WDFY3: variants seen among roughly 807,000 people sequenced by gnomAD.
WDFY3 encodes the protein WD repeat and FYVE domain-containing protein 3.
A neutral mutation model predicts 409.6 loss-of-function variants in WDFY3; 66 were observed. That is an observed-to-expected ratio of 0.16 (90% CI 0.13 to 0.20). WDFY3 has a LOEUF of 0.20. Ranked by LOEUF, WDFY3 falls within the 10% of genes least tolerant of loss-of-function variation. The pLI is 1.00. For synonymous variants in WDFY3, 1,521 were observed against 1,537.1 expected (o/e 0.99, Z 0.25); for missense variants, 3,031 against 4,298.1 (o/e 0.71, Z 8.24).
chr4:84,823,897 T>C (rs1754458056), intron 10 of WDFY3, among the ~76,000 whole-genome samples: 1 of 152,202 alleles, frequency 6.6e-6, no homozygotes, highest in Admixed American at 6.5e-5. Flanking sequence ...ATTTACCATA[T>C]GATCTAGCAC....
At chr4:84,897,322 AC>A (rs1765770105) in intron 2 of WDFY3, among the ~76,000 whole-genome samples, 1 of 152,120 alleles carries the variant, frequency 6.6e-6, no homozygotes, top group African/African-American at 2.4e-5. Context: ...TCACCTATAA[AC>A]TTTTCAGCTT....
intron 5 of WDFY3, among the ~76,000 whole-genome samples, chr4:84,842,946 G>A (rs1757583166): frequency 1.3e-5 from 2 of 152,172 alleles, no homozygotes; most frequent in African/African-American, 2.4e-5. Context: ...ACATGATTCT[G>A]GGCTGGGCAA....
Position 84,696,197 on chromosome 4 carries a change from A to G in WDFY3, c.8689-15T>C. The G allele has an allele frequency of 6.2e-7, 1 of 1,613,126 alleles. No homozygotes were observed. The highest frequency in any genetic ancestry group is 1.1e-5 in the South Asian group (1 of 90,988). On this transcript the variant is annotated splice_polypyrimidine_tract_variant and intron_variant, in intron 57 of 67. Coordinates refer to ENST00000295888, the MANE Select transcript of WDFY3 (RefSeq NM_014991.6). Reference sequence around the variant, plus strand: ...CACTCCAAAGCCTGTAATTTCAAACATAGGTTTAGTCACTGGCTGACTTCT... The same window carrying G: ...CACTCCAAAGCCTGTAATTTCAAACGTAGGTTTAGTCACTGGCTGACTTCT...
intron 13 of WDFY3, among the ~76,000 whole-genome samples, chr4:84,812,339 G>T (rs1024163070): frequency 6.6e-6 from 1 of 152,000 alleles, no homozygotes; most frequent in African/African-American, 2.4e-5. Flanking sequence ...ACACAGACAT[G>T]TATGCGCATG....
At chr4:84,725,196 A>G (rs1735471956) in intron 45 of WDFY3, among the ~76,000 whole-genome samples, 1 of 152,212 alleles carries the variant, frequency 6.6e-6, no homozygotes, top group Non-Finnish European at 1.5e-5. Flanking sequence ...ATGCCAGGTG[A>G]CACTCTGGTT....
At chr4:84,851,938 T>A (rs965909229) in intron 4 of WDFY3, among the ~76,000 whole-genome samples, 7 of 152,098 alleles carry the variant, frequency 4.6e-5, no homozygotes, top group African/African-American at 1.7e-4. Context: ...AGTAAAAAAA[T>A]TGTAATAATA....
rs765265230 is a variant in WDFY3 at position 84,820,152 on chromosome 4, T to C, written c.1626A>G (p.Gln542=). 26 of 1,609,254 alleles carry C rather than the reference T, an allele frequency of 1.6e-5. No homozygotes were observed. The Admixed American group carries it at 3.5e-4, about 22-fold the overall frequency. The part of the protein sequence containing the change: ...DSRNNSSVED[Q]KHLALLVMET... ...CCATAACCAATAAAGCCAGGTGTTT[T>C]TGGTCTTCAACTGAACTATTATTTC... The change falls in exon 12 of 68, where the codon CAA becomes CAG. Residue 542 remains glutamine (Q), a synonymous_variant. Transcript: ENST00000295888.
chr4:84,772,980 A>G, intron 29 of WDFY3, 51 bp from the exon 30 acceptor site: 1 of 1,417,870 alleles, frequency 7.1e-7, no homozygotes, highest in Non-Finnish European at 9.6e-7. Flanking sequence ...CTCTTCCCAA[A>G]ACAAACAACA....
chr4:84,712,763 A>C (rs1316872022), intron 51 of WDFY3, among the ~76,000 whole-genome samples: 1 of 152,196 alleles, frequency 6.6e-6, no homozygotes, highest in Non-Finnish European at 1.5e-5. Context: ...TGAAATATCC[A>C]AAAATTACAT....
chr4:84,841,988 G>C (rs1336889421), intron 5 of WDFY3, among the ~76,000 whole-genome samples: 1 of 152,164 alleles, frequency 6.6e-6, no homozygotes, highest in Non-Finnish European at 1.5e-5. Flanking sequence ...TAGGAAGAGA[G>C]AAACGTGAAA....
chr4:84,803,229 T>C, intron 16 of WDFY3, 61 bp downstream of exon 16: 5 of 1,498,342 alleles, frequency 3.3e-6, no homozygotes, highest in Non-Finnish European at 4.5e-6. Context: ...CATATAATCA[T>C]ACTCACATCC....
At chr4:84,759,095 T>A (rs1742013667) in intron 32 of WDFY3, among the ~76,000 whole-genome samples, 1 of 152,204 alleles carries the variant, frequency 6.6e-6, no homozygotes, top group Non-Finnish European at 1.5e-5. Flanking sequence ...CTCAGGTTTG[T>A]CAAAGATCAG....
intron 50 of WDFY3, among the ~76,000 whole-genome samples, chr4:84,714,021 C>T (rs1456083234): frequency 6.6e-6 from 1 of 151,706 alleles, no homozygotes; most frequent in Non-Finnish European, 1.5e-5. Context: ...GAGGCTGAGG[C>T]AGGAAAATTG....
At chr4:84,703,680 C>T (rs1253922796) in intron 55 of WDFY3, among the ~76,000 whole-genome samples, 1 of 152,162 alleles carries the variant, frequency 6.6e-6, no homozygotes, top group East Asian at 1.9e-4. Context: ...ACACCCTTAC[C>T]TCCTTTAGAC....
intron 51 of WDFY3, among the ~76,000 whole-genome samples, chr4:84,712,008 G>A (rs1375166838): frequency 6.6e-6 from 1 of 151,720 alleles, no homozygotes; most frequent in African/African-American, 2.4e-5. Flanking sequence ...TTTTATTAAG[G>A]GGACTCTACC....
At chr4:84,822,031 C>G (rs549298562) in intron 10 of WDFY3, among the ~76,000 whole-genome samples, 2 of 152,146 alleles carry the variant, frequency 1.3e-5, no homozygotes, top group South Asian at 4.1e-4. Context: ...AATTAGAACA[C>G]TGTGATTTTT....
At chr4:84,921,680 C>T (rs1163467869) in intron 2 of WDFY3, among the ~76,000 whole-genome samples, 3 of 89,310 alleles carry the variant, frequency 3.4e-5, no homozygotes, top group African/African-American at 4.7e-5. Flanking sequence ...TTTTTTGAGA[C>T]GGAGTCTCAC....
rs1449988597 is a variant in WDFY3 at position 84,697,997 on chromosome 4, T to C, written c.8597-1174A>G. Among the ~76,000 whole-genome samples, 3 of 152,170 alleles carry C rather than the reference T, an allele frequency of 2.0e-5. No individual in the cohort carries two copies. In the East Asian group the frequency reaches 5.8e-4, roughly 29 times the overall value. On this transcript the variant is annotated intron_variant, in intron 56 of 67. Coordinates refer to ENST00000295888, the MANE Select transcript of WDFY3 (RefSeq NM_014991.6). ...TGGTTGGAAAGGTTACCATATGATT[T>C]ACAACAAAAATAAATCAAGTTATTA...
rs148407700 is a variant in WDFY3 at position 84,794,549 on chromosome 4, A to C, written c.3457T>G (p.Ser1153Ala). 869 of 1,613,990 alleles carry C rather than the reference A, an allele frequency of 5.4e-4. 8 individuals are homozygous for C. The highest frequency in any genetic ancestry group is 1.2e-4 in the Non-Finnish European group (145 of 1,180,012). The change falls in exon 21 of 68, where the codon TCC becomes GCC. Residue 1153 changes from serine (S) to alanine (A), a missense_variant. This residue lies in a region of WDFY3 where 1,322 missense variants were observed against 1,697.9 expected (regional missense o/e 0.78). Coordinates refer to ENST00000295888, the MANE Select transcript of WDFY3 (RefSeq NM_014991.6). ...LSAKDRSLIV[S>A]TKEELLQNYV... ...TTTTGGAGGAGTTCCTCTTTGGTGGAAACAATCAGAGATCGGTCTTTTGCT... is the reference window on the plus strand; with the variant it reads ...TTTTGGAGGAGTTCCTCTTTGGTGGCAACAATCAGAGATCGGTCTTTTGCT...
Sources: allele counts gnomAD v4.1 joint callset (sites outside exome capture counted in the v4.1 genomes callset), GRCh38; gene constraint gnomAD v4.1.1; regional missense constraint gnomAD v4.1.1; transcripts MANE v1.5; gene names NCBI Gene and HGNC (gene_info 2026-07-23, HGNC 2026-07-21).